The following HS2ST1 variants were observed in gnomAD, a reference collection of about 807,000 sequenced individuals.
HS2ST1 encodes the protein heparan sulfate 2-O-sulfotransferase 1.
In HS2ST1, 18 loss-of-function variants were observed where a neutral mutation model predicts 42.9. The observed-to-expected ratio is 0.42, with a 90% CI of 0.29 to 0.62. The LOEUF (loss-of-function observed/expected upper bound fraction) is 0.62, where lower values mean the gene tolerates loss of function less well. Among genes scored for constraint, HS2ST1 ranks in the 20% least tolerant of loss-of-function variants. The probability of loss-of-function intolerance (pLI) is 0.21; values close to 1 mark genes in which losing one functional copy is unlikely to be tolerated. For synonymous variants in HS2ST1, 146 were observed against 152.9 expected, an observed-to-expected ratio of 0.95 and a Z score of 0.33; for missense variants, 334 against 433.8, an observed-to-expected ratio of 0.77 and a Z score of 2.04.
At position 86,914,637 on chromosome 1, in the gene HS2ST1, AGCCGCAGCGCCGGTGGAGGGGCGCGCG is replaced by A; in HGVS notation, c.-394_-368del. The A allele has an allele frequency of 5.2e-6, 1 of 191,766 alleles. No individual in the cohort carries two copies. The highest frequency in any genetic ancestry group is 1.0e-5 in the Non-Finnish European group (1 of 95,390). 11.9% of individuals were successfully genotyped at this position (191,766 alleles called of 1,614,324 possible). On this transcript the variant is annotated 5_prime_UTR_variant, in exon 1 of 7. Coordinates refer to ENST00000370550, the MANE Select transcript of HS2ST1 (RefSeq NM_012262.4). ...GCGGGGGCGGGGATGAGGGCGGCGCAGCCGCAGCGCCGGTGGAGGGGCGCGCGGCCGCGAGCAAAGGAGGGAGGGAAG... is the reference window on the plus strand; with the variant it reads ...GCGGGGGCGGGGATGAGGGCGGCGCAGCCGCGAGCAAAGGAGGGAGGGAAG...
intron 1 of HS2ST1, among the ~76,000 whole-genome samples, chr1:87,042,551 C>T (rs1650548018): frequency 6.6e-6 from 1 of 152,054 alleles, no homozygotes; most frequent in Non-Finnish European, 1.5e-5. Context: ...TTTATATATA[C>T]CTCCTCTTGA....
At chr1:87,094,797 C>T (rs1652024697) in intron 4 of HS2ST1, among the ~76,000 whole-genome samples, 1 of 151,978 alleles carries the variant, frequency 6.6e-6, no homozygotes, top group Non-Finnish European at 1.5e-5. Context: ...TATAATAAGG[C>T]CTGGGGTTTT....
At chr1:87,073,658 T>C (rs1187358824) in intron 2 of HS2ST1, among the ~76,000 whole-genome samples, 1 of 152,196 alleles carries the variant, frequency 6.6e-6, no homozygotes, top group Non-Finnish European at 1.5e-5. Flanking sequence ...AACATAATCT[T>C]ACCTTTTAAA....
intron 5 of HS2ST1, among the ~76,000 whole-genome samples, chr1:87,099,116 A>G (rs1322683470): frequency 1.3e-5 from 2 of 152,212 alleles, no homozygotes; most frequent in African/African-American, 4.8e-5. Flanking sequence ...ATTGAAACAC[A>G]GCCACATACA....
chr1:87,041,723 A>G (rs6697595), intron 1 of HS2ST1, among the ~76,000 whole-genome samples: 16,960 of 152,154 alleles, frequency 0.11, 1,014 homozygotes, highest in African/African-American at 0.14. Flanking sequence ...CACTTGGCAT[A>G]ATGTTCTCAA....
At chr1:87,067,031 T>C (rs1651270385) in intron 1 of HS2ST1, among the ~76,000 whole-genome samples, 1 of 152,208 alleles carries the variant, frequency 6.6e-6, no homozygotes, top group Non-Finnish European at 1.5e-5. Context: ...CAGTAAAACA[T>C]ACGTGTGCAT....
intron 1 of HS2ST1, chr1:86,993,161 T>C: frequency 6.3e-7 from 1 of 1,586,994 alleles, no homozygotes; most frequent in Non-Finnish European, 8.6e-7. Context: ...TCCTAAACCC[T>C]CATCAACTGA....
In HS2ST1 at chr1:87,105,506, G is replaced by A. The variant is rs906420346; in HGVS notation, c.*810G>A. 2.6e-5 allele frequency: 4 copies of A among 152,174 alleles called. No homozygotes were observed. The highest frequency in any genetic ancestry group is 9.7e-5 in the African/African-American group (4 of 41,396). 9.4% of individuals were successfully genotyped at this position (152,174 alleles called of 1,614,324 possible). On this transcript the variant is annotated 3_prime_UTR_variant, in exon 7 of 7. Transcript: ENST00000370550. ...TTGTAAAGCTGTAAACTGAGATATCGGTGACTCCGTATTATGACTCCATTA... is the reference window on the plus strand; with the variant it reads ...TTGTAAAGCTGTAAACTGAGATATCAGTGACTCCGTATTATGACTCCATTA...
chr1:86,918,841 A>G (rs2102150711), intron 1 of HS2ST1, among the ~76,000 whole-genome samples: 1 of 151,712 alleles, frequency 6.6e-6, no homozygotes, highest in East Asian at 1.9e-4. Flanking sequence ...GAACATCTTT[A>G]CATGTTTATT....
chr1:86,993,696 GT>G (rs1265801536), intron 1 of HS2ST1, among the ~76,000 whole-genome samples: 5 of 152,160 alleles, frequency 3.3e-5, no homozygotes, highest in Admixed American at 2.0e-4. Context: ...AGAAAAAGAA[GT>G]TTATTAAAGT....
chr1:87,015,404 G>C (rs187001459), intron 1 of HS2ST1, among the ~76,000 whole-genome samples: 2 of 148,934 alleles, frequency 1.3e-5, no homozygotes, highest in African/African-American at 5.0e-5. Flanking sequence ...CTGGAATGCG[G>C]TGGCGCAATC....
chr1:87,097,783 T>G (rs1652103155), intron 4 of HS2ST1, 55 bp from the exon 5 acceptor site: 1 of 1,601,800 alleles, frequency 6.2e-7, no homozygotes, highest in Admixed American at 1.7e-5. Context: ...ATTAGATATT[T>G]GATAGGTGAG....
chr1:87,063,417 G>A (rs1255670193), intron 1 of HS2ST1, among the ~76,000 whole-genome samples: 1 of 152,068 alleles, frequency 6.6e-6, no homozygotes, highest in Non-Finnish European at 1.5e-5. Flanking sequence ...GCTCACCGCA[G>A]CCTCTGCTTC....
intron 4 of HS2ST1, among the ~76,000 whole-genome samples, chr1:87,096,785 A>G (rs1652079389): frequency 6.6e-6 from 1 of 152,238 alleles, no homozygotes; most frequent in South Asian, 2.1e-4. Context: ...CAACACTGTC[A>G]GTTTTTCCTT....
intron 1 of HS2ST1, among the ~76,000 whole-genome samples, chr1:87,048,581 G>A (rs1255778582): frequency 8.6e-5 from 13 of 151,084 alleles, no homozygotes; most frequent in Non-Finnish European, 1.9e-4. Flanking sequence ...TTCCCAGTTT[G>A]CCGAGATTTT....
Position 87,108,594 on chromosome 1 carries a change from G to T in HS2ST1, c.*3898G>T, listed in dbSNP as rs1652390056. 1 of 152,108 alleles carries T rather than the reference G, an allele frequency of 6.6e-6. No individual in the cohort carries two copies. Among genetic ancestry groups the T allele is most frequent in the African/African-American group, 2.4e-5 (1 of 41,462 alleles). The allele number at this position is 152,108 out of a possible 1,614,324, so 9.4% of individuals were successfully genotyped here. On this transcript the variant is annotated 3_prime_UTR_variant, in exon 7 of 7. Transcript: ENST00000370550. ...CTGTTTCAAATCCACTGCCAATTCA[G>T]CTCCTCTGGAGTGGAGCTTTCTGAT...
chr1:87,015,935 G>C (rs1230762574), intron 1 of HS2ST1, among the ~76,000 whole-genome samples: 1 of 151,848 alleles, frequency 6.6e-6, no homozygotes, highest in African/African-American at 2.4e-5. Context: ...TCCTGCCTCA[G>C]CCTCCTGGGT....
chr1:86,987,379 A>G (rs1175716176), intron 1 of HS2ST1, among the ~76,000 whole-genome samples: 1 of 152,048 alleles, frequency 6.6e-6, no homozygotes, highest in Non-Finnish European at 1.5e-5. Flanking sequence ...TGGCCCAACT[A>G]GGGTTCTTAT....
intron 1 of HS2ST1, among the ~76,000 whole-genome samples, chr1:86,957,722 G>A (rs1021109998): frequency 3.3e-5 from 5 of 151,240 alleles, no homozygotes; most frequent in Non-Finnish European, 7.4e-5. Flanking sequence ...ATGTTTTGTT[G>A]TGAATAGTAC....
Sources: gnomAD v4.1 joint callset for allele counts (sites outside exome capture counted in the v4.1 genomes callset) on GRCh38, gnomAD v4.1.1 for gene constraint, MANE v1.5 for transcripts, NCBI Gene and HGNC (gene_info 2026-07-23, HGNC 2026-07-21) for gene names.